CTNNA2: variants seen among roughly 807,000 people sequenced by gnomAD.
CTNNA2 encodes the protein catenin alpha-2.
A neutral mutation model predicts 101.0 loss-of-function variants in CTNNA2; 42 were observed. That is an observed-to-expected ratio of 0.42 (90% CI 0.32 to 0.54). CTNNA2 has a LOEUF of 0.54. Ranked by LOEUF, CTNNA2 falls within the 20% of genes least tolerant of loss-of-function variation. The pLI is 0.14. For synonymous variants in CTNNA2, 450 were observed against 456.4 expected, an observed-to-expected ratio of 0.99 and a Z score of 0.18; for missense variants, 871 against 1,223.1, an observed-to-expected ratio of 0.71 and a Z score of 4.29.
intron 2 of CTNNA2, among the ~76,000 whole-genome samples, chr2:79,306,062 A>G (rs1006919653): frequency 2.0e-5 from 3 of 151,484 alleles, no homozygotes; most frequent in Non-Finnish European, 2.9e-5. Flanking sequence ...AAAAAAAAAA[A>G]GGCAATCTTG....
At position 80,238,505 on chromosome 2, in the gene CTNNA2, C is replaced by T. The variant is rs566770077; in HGVS notation, c.1057-154706C>T. On this transcript the variant is annotated intron_variant, in intron 7 of 18. Transcript: ENST00000402739. ...GGAAAGGGAATGAGGAGGAGAAGTA[C>T]GGAGGATGTTAACCATGCAGATGTG... is the stretch of plus-strand genomic sequence containing the variant. Among the ~76,000 whole-genome samples the T allele has an allele frequency of 7.2e-5, 11 of 152,190 alleles. No homozygotes were observed. In the East Asian group the frequency reaches 1.5e-3, roughly 21 times the overall value.
chr2:80,629,138 C>A (rs992715968), intron 18 of CTNNA2, among the ~76,000 whole-genome samples: 3 of 151,894 alleles, frequency 2.0e-5, no homozygotes, highest in African/African-American at 7.3e-5. Flanking sequence ...ATCTTCTCTC[C>A]CCACAAAAGA....
chr2:80,130,594 A>G (rs1186142032), intron 7 of CTNNA2, among the ~76,000 whole-genome samples: 1 of 152,230 alleles, frequency 6.6e-6, no homozygotes, highest in Non-Finnish European at 1.5e-5. Flanking sequence ...GAGAAAGATT[A>G]AACGACAGGG....
intron 2 of CTNNA2, among the ~76,000 whole-genome samples, chr2:79,681,429 T>C (rs568639332): frequency 4.9e-4 from 75 of 152,190 alleles, no homozygotes; most frequent in Non-Finnish European, 1.1e-3. Context: ...TGCCCTAGAC[T>C]TTTGCACCAG....
intron 3 of CTNNA2, among the ~76,000 whole-genome samples, chr2:79,757,890 T>C (rs1217711660): frequency 6.6e-6 from 1 of 152,224 alleles, no homozygotes; most frequent in Non-Finnish European, 1.5e-5. Context: ...GCATGTAAAG[T>C]ACTTAGCAAC....
At chr2:79,602,835 A>T (rs189182187) in intron 1 of CTNNA2, among the ~76,000 whole-genome samples, 24 of 152,284 alleles carry the variant, frequency 1.6e-4, no homozygotes, top group Non-Finnish European at 2.8e-4. Flanking sequence ...GGAATTTATA[A>T]AATGTTTGGG....
intron 3 of CTNNA2, among the ~76,000 whole-genome samples, chr2:79,323,540 G>A (rs988615400): frequency 2.0e-5 from 3 of 152,000 alleles, no homozygotes; most frequent in Non-Finnish European, 4.4e-5. Context: ...AAAAAAAATA[G>A]AACAAAGTAA....
At chr2:79,421,858 G>A (rs746898873) in intron 4 of CTNNA2, among the ~76,000 whole-genome samples, 20 of 152,012 alleles carry the variant, frequency 1.3e-4, no homozygotes, top group Admixed American at 1.2e-3. Context: ...TTCTTACTCC[G>A]GGGCCATGGG....
intron 7 of CTNNA2, among the ~76,000 whole-genome samples, chr2:79,925,552 A>G (rs1281527990): frequency 3.3e-5 from 5 of 152,156 alleles, no homozygotes; most frequent in African/African-American, 1.2e-4. Flanking sequence ...AGCAAATCAC[A>G]TATAGTTTGA....
intron 4 of CTNNA2, among the ~76,000 whole-genome samples, chr2:79,465,854 T>C (rs1367466734): frequency 6.6e-6 from 1 of 152,240 alleles, no homozygotes; most frequent in Non-Finnish European, 1.5e-5. Context: ...TTTGCTGAAT[T>C]TGCTTATCAG....
At chr2:79,559,429 G>T in intron 1 of CTNNA2, among the ~76,000 whole-genome samples, 1 of 151,942 alleles carries the variant, frequency 6.6e-6, no homozygotes. Flanking sequence ...ACTGATGAAA[G>T]TGAGAAATAA....
chr2:80,000,083 C>A (rs1288119028), intron 7 of CTNNA2, among the ~76,000 whole-genome samples: 1 of 152,012 alleles, frequency 6.6e-6, no homozygotes, highest in African/African-American at 2.4e-5. Flanking sequence ...GATGAAGAAT[C>A]CTTGTTTTTT....
chr2:80,597,984 A>T (rs1016259951), intron 15 of CTNNA2, among the ~76,000 whole-genome samples: 1 of 152,208 alleles, frequency 6.6e-6, no homozygotes. Flanking sequence ...AAATCATTCT[A>T]CTACAAAGAC....
chr2:80,564,134 A>G (rs1031298215), intron 12 of CTNNA2, among the ~76,000 whole-genome samples: 14 of 152,184 alleles, frequency 9.2e-5, no homozygotes, highest in Non-Finnish European at 1.5e-5. Flanking sequence ...TGATCAAGAT[A>G]AGAATCTTTT....
At chr2:80,016,260 T>G (rs1694135673) in intron 7 of CTNNA2, among the ~76,000 whole-genome samples, 1 of 152,338 alleles carries the variant, frequency 6.6e-6, no homozygotes. Flanking sequence ...GGCCCTGAGA[T>G]AACAGAGCTA....
At chr2:80,172,693 G>T (rs1705141934) in intron 7 of CTNNA2, among the ~76,000 whole-genome samples, 1 of 152,168 alleles carries the variant, frequency 6.6e-6, no homozygotes, top group South Asian at 2.1e-4. Flanking sequence ...TAGCTGGGTT[G>T]GTTCCATCTA....
At chr2:79,332,022 A>C (rs1315427299) in intron 3 of CTNNA2, among the ~76,000 whole-genome samples, 1 of 152,122 alleles carries the variant, frequency 6.6e-6, no homozygotes, top group Non-Finnish European at 1.5e-5. Flanking sequence ...GCTCTGCCAC[A>C]GTTCTATTTT....
chr2:79,640,546 C>T (rs571011670), intron 1 of CTNNA2, among the ~76,000 whole-genome samples: 1 of 152,154 alleles, frequency 6.6e-6, no homozygotes, highest in Non-Finnish European at 1.5e-5. Flanking sequence ...AAATTACGTT[C>T]TCTAAATAAT....
intron 1 of CTNNA2, among the ~76,000 whole-genome samples, chr2:79,546,656 G>C (rs1673749266): frequency 2.0e-5 from 3 of 151,986 alleles, no homozygotes; most frequent in Non-Finnish European, 4.4e-5. Flanking sequence ...ACCAAAATGT[G>C]GTTTATAGCA....
Sources: allele counts gnomAD v4.1 joint callset (sites outside exome capture counted in the v4.1 genomes callset), GRCh38; gene constraint gnomAD v4.1.1; transcripts MANE v1.5; gene names NCBI Gene and HGNC (gene_info 2026-07-23, HGNC 2026-07-21).